Variants in HIPK1 observed in about 807,000 individuals in gnomAD.
HIPK1 encodes homeodomain-interacting protein kinase 1.
In HIPK1, 28 loss-of-function variants were observed where a neutral mutation model predicts 117.1. The observed-to-expected ratio is 0.24, with a 90% CI of 0.18 to 0.33. The LOEUF is 0.33. Ranked by LOEUF, HIPK1 falls within the 10% of genes least tolerant of loss-of-function variation. The pLI is 1.00. For missense variants in HIPK1, 1,122 were observed against 1,475.1 expected, an observed-to-expected ratio of 0.76 and a Z score of 3.92; for synonymous variants, 605 against 562.5, an observed-to-expected ratio of 1.08 and a Z score of -1.07.
At chr1:113,972,191 A>T in intron 15 of HIPK1, 1 of 1,164,870 alleles carries the variant, frequency 8.6e-7, no homozygotes, top group Non-Finnish European at 1.2e-6. Context: ...TCTACCCTGG[A>T]AGGTTAGAGA....
At chr1:113,944,953 T>C (rs1670892660) in intron 2 of HIPK1, among the ~76,000 whole-genome samples, 1 of 152,156 alleles carries the variant, frequency 6.6e-6, no homozygotes, top group Admixed American at 6.5e-5. Context: ...GCTCAAGCAG[T>C]CCTCCCACCT....
rs771323190 is a variant in HIPK1, at chr1:113,974,328, GTCTT to G, written c.*820_*823del. On this transcript the variant is annotated 3_prime_UTR_variant, in exon 16 of 16. Coordinates refer to ENST00000426820, the MANE Select transcript of HIPK1 (RefSeq NM_198268.3). ...TTCTTTTTTAAATTATTTTTTAAAA[GTCTT>G]TCTCTCTCTGATTCAGCTTAAATTT... The G allele has an allele frequency of 3.3e-5, 5 of 152,712 alleles. No individual in the cohort carries two copies. Among genetic ancestry groups the G allele is most frequent in the Non-Finnish European group, 7.4e-5 (5 of 68,012 alleles). 9.5% of individuals were successfully genotyped at this position (152,712 alleles called of 1,614,324 possible). A position where few individuals can be genotyped will look rare whatever the true frequency, so the allele number is the denominator to read the frequency against.
chr1:113,956,978 T>G, intron 6 of HIPK1, 146 bp from the exon 7 acceptor site: 1 of 886,826 alleles, frequency 1.1e-6, no homozygotes, highest in Admixed American at 2.8e-5. Flanking sequence ...GATGTGTATT[T>G]TTCTTCCCTA....
In HIPK1 at chr1:113,940,863, C is replaced by A. The variant is rs747296384; in HGVS notation, c.480C>A (p.Thr160=). The A allele has an allele frequency of 6.2e-7, 1 of 1,614,100 alleles. No homozygotes were observed. The highest frequency in any genetic ancestry group is 1.1e-5 in the South Asian group (1 of 91,086). Residue 160 remains threonine (T), a synonymous_variant, in exon 2 of 16, where the codon ACC becomes ACA. Coordinates refer to ENST00000426820, the MANE Select transcript of HIPK1 (RefSeq NM_198268.3). The stretch of plus-strand genomic sequence containing the variant: ...TGGTGGGTGCTGCTGCCACAACCAC[C>A]ACTGTGACCACAAAGAGTAGCAGTT... ...RTVVGAAATT[T]TVTTKSSSSS...
At chr1:113,950,394 A>C (rs761241485) in intron 2 of HIPK1, among the ~76,000 whole-genome samples, 7 of 152,182 alleles carry the variant, frequency 4.6e-5, no homozygotes, top group Non-Finnish European at 7.3e-5. Context: ...CTGGATCTGG[A>C]GTGTCCTTAT....
In HIPK1 at chr1:113,974,471, T is replaced by G. The variant is rs1220034399; in HGVS notation, c.*959T>G. 2 of 152,720 alleles carry G rather than the reference T, an allele frequency of 1.3e-5. No individual in the cohort carries two copies. Among genetic ancestry groups the G allele is most frequent in the Non-Finnish European group, 2.9e-5 (2 of 68,026 alleles). The allele number at this position is 152,720 out of a possible 1,614,324, so 9.5% of individuals were successfully genotyped here. A position where few individuals can be genotyped will look rare whatever the true frequency, so the allele number is the denominator to read the frequency against. On this transcript the variant is annotated 3_prime_UTR_variant, in exon 16 of 16. Transcript: ENST00000426820. ...GGCATTGATGAGCTTTGCCTAAAGA[T>G]TAGTATGAATTTTCAGTAATACACC...
At chr1:113,929,972 G>T (rs1418697325) in intron 1 of HIPK1, 3 of 985,214 alleles carry the variant, frequency 3.0e-6, no homozygotes, top group African/African-American at 3.5e-5. Context: ...GGTCCTCGGC[G>T]GGGAGCGACT....
At chr1:113,940,234 A>G in intron 1 of HIPK1, 148 bp from the exon 2 acceptor site, 1 of 750,526 alleles carries the variant, frequency 1.3e-6, no homozygotes, top group South Asian at 1.9e-5. Context: ...ATATAGGTCA[A>G]GATTGAATTA....
intron 1 of HIPK1, among the ~76,000 whole-genome samples, chr1:113,932,377 T>G (rs1025114850): frequency 1.3e-5 from 2 of 150,566 alleles, no homozygotes; most frequent in African/African-American, 4.9e-5. Context: ...TCTGTTTTTT[T>G]TTTTTTTTTT....
In HIPK1 at chr1:113,940,424, C is replaced by T. The variant is rs772766622; in HGVS notation, c.41C>T (p.Ser14Leu). ...CAAGTGTTTTCGCCCCCATCAGTGTCGTCGAGTGCCTTCTGCAGTGCGAAG... is the reference window on the plus strand; with the variant it reads ...CAAGTGTTTTCGCCCCCATCAGTGTTGTCGAGTGCCTTCTGCAGTGCGAAG... Reference protein sequence around the residue: ...QLQVFSPPSVSSSAFCSAKKL... With the variant: ...QLQVFSPPSVLSSAFCSAKKL... The change falls in exon 2 of 16, where the codon TCG becomes TTG. Residue 14 changes from serine to leucine, a missense_variant. Ser to Leu is a moderately radical substitution (Grantham distance 145). Around this residue, in one of 6 missense-constraint regions of HIPK1, gnomAD observed 192 missense variants for 234.0 expected, o/e 0.82. Coordinates refer to ENST00000426820, the MANE Select transcript of HIPK1 (RefSeq NM_198268.3). 1.2e-5 allele frequency: 20 copies of T among 1,613,072 alleles called. No homozygotes were observed. Among genetic ancestry groups the T allele is most frequent in the African/African-American group, 2.7e-5 (2 of 74,862 alleles).
chr1:113,930,083 G>T (rs1022331439), intron 1 of HIPK1: 2 of 933,212 alleles, frequency 2.1e-6, no homozygotes, highest in Non-Finnish European at 2.6e-6. Context: ...GCCTGGGACC[G>T]GGCGCCGCGT....
At chr1:113,946,699 A>G (rs957381718) in intron 2 of HIPK1, among the ~76,000 whole-genome samples, 14 of 152,240 alleles carry the variant, frequency 9.2e-5, no homozygotes, top group Admixed American at 7.2e-4. Flanking sequence ...TCACTGCAAT[A>G]TAGTTGTTGA....
chr1:113,973,656 GTT>G lies in HIPK1; in HGVS notation c.*148_*149del. ...CTGCAGGGGCCCACTGAAGCAGAAG[GTT>G]TTTCTCTGGGGGAACCTGTCTCAGT... On this transcript the variant is annotated 3_prime_UTR_variant, in exon 16 of 16. Transcript: ENST00000426820. 1 of 905,550 alleles carries G rather than the reference GTT, an allele frequency of 1.1e-6. No homozygotes were observed. Among genetic ancestry groups the G allele is most frequent in the East Asian group, 2.7e-5 (1 of 37,042 alleles). The allele number at this position is 905,550 out of a possible 1,614,324, so 56.1% of individuals were successfully genotyped here.
intron 1 of HIPK1, among the ~76,000 whole-genome samples, chr1:113,930,144 G>T (rs1669764675): frequency 6.6e-6 from 1 of 152,232 alleles, no homozygotes; most frequent in Non-Finnish European, 1.5e-5. Context: ...TCCCAGGAAG[G>T]TGGGGAGGCT....
rs764996757 is a variant in HIPK1, at chr1:113,956,788, T to G, written c.1569T>G (p.Leu523=). ...LNHQFVTMTH[L]LDFPHSNHVK... ...ATCAGTTTGTGACAATGACTCACCT[T>G]TTGGATTTTCCACATAGCAATCAGT... The change falls in exon 6 of 16, where the codon CTT becomes CTG. Residue 523 remains leucine (L), a synonymous_variant. Transcript: ENST00000426820. The G allele has an allele frequency of 8.1e-6, 13 of 1,613,938 alleles. No homozygotes were observed. The African/African-American group carries it at 1.7e-4, about 22-fold the overall frequency.
rs1346135445 is a variant in HIPK1, at chr1:113,967,782, G to A, written c.2398G>A (p.Gly800Ser). ...LADWRNAHSH[G>S]NQYSTIMQQP... ...TTGGTACAGGAATGCCCACTCTCAT[G>A]GCAACCAGTACAGCACTATCATGCA... Residue 800 changes from glycine (G) to serine (S), a missense_variant, in exon 12 of 16, where the codon GGC (glycine) becomes AGC (serine). This residue lies in a region of HIPK1 where 731 missense variants were observed against 860.4 expected (regional missense o/e 0.85). Coordinates refer to ENST00000426820, the MANE Select transcript of HIPK1 (RefSeq NM_198268.3). 1 of 1,535,336 alleles carries A rather than the reference G, an allele frequency of 6.5e-7. No individual in the cohort carries two copies. Among genetic ancestry groups the A allele is most frequent in the Non-Finnish European group, 8.7e-7 (1 of 1,144,204 alleles).
chr1:113,968,557 A>G lies in HIPK1; in HGVS notation c.2680A>G (p.Ile894Val). The change falls in exon 13 of 16, where the codon ATC becomes GTC. Residue 894 changes from isoleucine to valine, a missense_variant. Physicochemically the swap from Ile to Val is conservative, Grantham distance 29. Coordinates refer to ENST00000426820, the MANE Select transcript of HIPK1 (RefSeq NM_198268.3). Reference protein sequence around the residue: ...VPVQDQHQPIIIPDTPSPPVS... With the variant: ...VPVQDQHQPIVIPDTPSPPVS... Reference sequence around the variant, plus strand: ...TGTCCAAGATCAGCATCAGCCCATCATCATTCCAGATACTCCCAGCCCTCC... The same window carrying G: ...TGTCCAAGATCAGCATCAGCCCATCGTCATTCCAGATACTCCCAGCCCTCC... 4 of 1,614,104 alleles carry G rather than the reference A, an allele frequency of 2.5e-6. No homozygotes were observed. The highest frequency in any genetic ancestry group is 3.4e-6 in the Non-Finnish European group (4 of 1,179,940).
rs1443064161 is a variant in HIPK1 at position 113,974,690 on chromosome 1, A to C, written c.*1178A>C. 6.6e-6 allele frequency: 1 copy of C among 152,644 alleles called. No homozygotes were observed. The highest frequency in any genetic ancestry group is 2.4e-5 in the African/African-American group (1 of 41,464). The allele number at this position is 152,644 out of a possible 1,614,324, so 9.5% of individuals were successfully genotyped here. On this transcript the variant is annotated 3_prime_UTR_variant, in exon 16 of 16. Transcript: ENST00000426820. ...ATAAGTGCATGTAGGAATTGCAAAA[A>C]ATATTTTAAAAATTTATTACTGAAT... is the stretch of plus-strand genomic sequence containing the variant.
In HIPK1 at chr1:113,947,818, A is replaced by G. The variant is rs75065177; in HGVS notation, c.1077-4948A>G. Among the ~76,000 whole-genome samples, 796 of 152,338 alleles carry G rather than the reference A, an allele frequency of 5.2e-3. 7 individuals are homozygous for G. Among genetic ancestry groups the G allele is most frequent in the African/African-American group, 0.018 (730 of 41,568 alleles). ...GGAGACTTGCCATGTTCAAAGCACA[A>G]TTAATGCCATTTTCCTACTGAAGTG... On this transcript the variant is annotated intron_variant, in intron 2 of 15. Coordinates refer to ENST00000426820, the MANE Select transcript of HIPK1 (RefSeq NM_198268.3).
Sources: gnomAD v4.1 joint callset for allele counts (sites outside exome capture counted in the v4.1 genomes callset) on GRCh38, gnomAD v4.1.1 for gene constraint, gnomAD v4.1.1 regional missense constraint, MANE v1.5 for transcripts, NCBI Gene and HGNC (gene_info 2026-07-23, HGNC 2026-07-21) for gene names.